The following RNF220 variants were observed in gnomAD, a reference collection of about 807,000 sequenced individuals.
The protein encoded by RNF220 is E3 ubiquitin-protein ligase RNF220.
Under a neutral mutation model 67.1 loss-of-function variants are expected in RNF220, and 7 were observed. That is an observed-to-expected ratio of 0.10 (90% CI 0.06 to 0.20). The LOEUF (loss-of-function observed/expected upper bound fraction) is 0.20. RNF220 is among the 10% of genes least tolerant of loss of function. The pLI is 1.00. For synonymous variants in RNF220, 270 were observed against 283.2 expected (o/e 0.95, Z 0.47); for missense variants, 565 against 740.3 (o/e 0.76, Z 2.75).
At chr1:44,539,632 A>G (rs1209771842) in intron 2 of RNF220, among the ~76,000 whole-genome samples, 2 of 152,198 alleles carry the variant, frequency 1.3e-5, no homozygotes, top group African/African-American at 4.8e-5. Context: ...GAGTGTGGAA[A>G]TGATTTCACA....
chr1:44,448,126 C>T (rs1652290982), intron 2 of RNF220, among the ~76,000 whole-genome samples: 1 of 152,130 alleles, frequency 6.6e-6, no homozygotes, highest in Non-Finnish European at 1.5e-5. Context: ...TGGCAAAACT[C>T]TGTCTCTACT....
At chr1:44,452,275 T>G (rs1652763246) in intron 2 of RNF220, among the ~76,000 whole-genome samples, 1 of 152,168 alleles carries the variant, frequency 6.6e-6, no homozygotes, top group South Asian at 2.1e-4. Flanking sequence ...TGAGGCCAGC[T>G]GGGTGCGGTG....
At chr1:44,504,887 CAT>C (rs1160717131) in intron 2 of RNF220, among the ~76,000 whole-genome samples, 3 of 152,280 alleles carry the variant, frequency 2.0e-5, no homozygotes, top group East Asian at 3.9e-4. Context: ...GAGCTAGAAA[CAT>C]GTGGTATCCT....
At chr1:44,549,749 C>T (rs180724576) in intron 2 of RNF220, among the ~76,000 whole-genome samples, 181 of 152,316 alleles carry the variant, frequency 1.2e-3, no homozygotes, top group Non-Finnish European at 2.0e-3. Flanking sequence ...TAGGTAAACA[C>T]GCCAAGCTGC....
intron 2 of RNF220, among the ~76,000 whole-genome samples, chr1:44,432,438 T>C (rs540820345): frequency 1.3e-5 from 2 of 151,960 alleles, no homozygotes; most frequent in Non-Finnish European, 2.9e-5. Flanking sequence ...GCCCAGTTAA[T>C]TTTTGTATTT....
chr1:44,447,520 G>A (rs964143721), intron 2 of RNF220, among the ~76,000 whole-genome samples: 8 of 152,260 alleles, frequency 5.3e-5, no homozygotes, highest in Non-Finnish European at 8.8e-5. Context: ...GCCTGCCCTA[G>A]TTTTGTTCAG....
At chr1:44,629,943 A>T (rs1369164863) in intron 5 of RNF220, among the ~76,000 whole-genome samples, 2 of 152,340 alleles carry the variant, frequency 1.3e-5, no homozygotes, top group South Asian at 2.1e-4. Context: ...GAATGCAAGG[A>T]AAGTTAGTAG....
intron 2 of RNF220, among the ~76,000 whole-genome samples, chr1:44,567,168 G>A (rs1010622890): frequency 1.3e-5 from 2 of 152,184 alleles, no homozygotes; most frequent in African/African-American, 4.8e-5. Flanking sequence ...GGGTGCGGGA[G>A]GTGGGATGCT....
intron 2 of RNF220, among the ~76,000 whole-genome samples, chr1:44,525,943 T>G (rs964841892): frequency 6.6e-6 from 1 of 152,204 alleles, no homozygotes; most frequent in African/African-American, 2.4e-5. Flanking sequence ...CTGAATCTGT[T>G]TTTGACCTCC....
At position 44,644,311 on chromosome 1, in the gene RNF220, T is replaced by C. The variant is rs140276783; in HGVS notation, c.1127-387T>C. 3.0e-5 allele frequency: 6 copies of C among 198,902 alleles called. No individual in the cohort carries two copies. In the East Asian group the frequency reaches 6.2e-4, roughly 21 times the overall value. The allele number at this position is 198,902 out of a possible 1,614,324, so 12.3% of individuals were successfully genotyped here. On this transcript the variant is annotated intron_variant, in intron 8 of 14. Coordinates refer to ENST00000361799, the MANE Select transcript of RNF220 (RefSeq NM_018150.4). ...ACTTGTCAGGCTGGATAATGGGGCA[T>C]AGGGGAGGCCCCACTCTTTTCCTGT...
At chr1:44,506,153 T>C (rs1156717617) in intron 2 of RNF220, among the ~76,000 whole-genome samples, 1 of 152,252 alleles carries the variant, frequency 6.6e-6, no homozygotes, top group Non-Finnish European at 1.5e-5. Flanking sequence ...CCAGAAGTTA[T>C]TGTCCCTTAC....
At chr1:44,554,577 T>A (rs778594599) in intron 2 of RNF220, among the ~76,000 whole-genome samples, 5 of 152,076 alleles carry the variant, frequency 3.3e-5, no homozygotes, top group Admixed American at 6.6e-5. Flanking sequence ...GGGATCCCAT[T>A]GATCTGGGAC....
At chr1:44,639,404 A>G (rs1644424371) in intron 8 of RNF220, among the ~76,000 whole-genome samples, 1 of 152,242 alleles carries the variant, frequency 6.6e-6, no homozygotes, top group African/African-American at 2.4e-5. Context: ...TGGAAAGAGG[A>G]CATGGGAATG....
intron 2 of RNF220, among the ~76,000 whole-genome samples, chr1:44,451,492 T>C (rs138486801): frequency 6.6e-6 from 1 of 152,362 alleles, no homozygotes; most frequent in African/African-American, 2.4e-5. Flanking sequence ...GAAGGTTCTC[T>C]CCATTACATT....
intron 12 of RNF220, among the ~76,000 whole-genome samples, chr1:44,646,984 C>T (rs1006654211): frequency 2.0e-5 from 3 of 152,216 alleles, no homozygotes; most frequent in Non-Finnish European, 4.4e-5. Context: ...CACAGCCAGC[C>T]TGGACCAGGG....
At chr1:44,618,751 C>T (rs1643665884) in intron 3 of RNF220, among the ~76,000 whole-genome samples, 1 of 152,046 alleles carries the variant, frequency 6.6e-6, no homozygotes, top group African/African-American at 2.4e-5. Context: ...GGGGAAGAAA[C>T]AGGAGGCAAG....
At chr1:44,627,996 C>T (rs1334905750) in intron 5 of RNF220, among the ~76,000 whole-genome samples, 1 of 152,224 alleles carries the variant, frequency 6.6e-6, no homozygotes, top group African/African-American at 2.4e-5. Context: ...GGGAAGGGAT[C>T]CCTGCTCTCT....
chr1:44,612,083 C>T (rs993440232), intron 2 of RNF220, among the ~76,000 whole-genome samples: 1 of 152,176 alleles, frequency 6.6e-6, no homozygotes, highest in Non-Finnish European at 1.5e-5. Flanking sequence ...CAGCTGTCCC[C>T]GAGCATCTGA....
In RNF220 at chr1:44,621,217, T is replaced by G. The variant is rs928833741; in HGVS notation, c.759-1525T>G. ...AGGCGTGAGCCACTGCACCGGACCATGCATCTGTCTTTATGGACATGTGTC... is the reference window on the plus strand; with the variant it reads ...AGGCGTGAGCCACTGCACCGGACCAGGCATCTGTCTTTATGGACATGTGTC... On this transcript the variant is annotated intron_variant, in intron 3 of 14. Transcript: ENST00000361799. The surrounding 1 kb of genome is among the most constrained non-coding windows in gnomAD (Gnocchi z 4.8). Among the ~76,000 whole-genome samples the G allele has an allele frequency of 1.3e-5, 2 of 152,216 alleles. No homozygotes were observed. The highest frequency in any genetic ancestry group is 4.8e-5 in the African/African-American group (2 of 41,464).
Sources: allele counts gnomAD v4.1 joint callset (sites outside exome capture counted in the v4.1 genomes callset), GRCh38; gene constraint gnomAD v4.1.1; non-coding constraint Gnocchi (gnomAD v3.1); transcripts MANE v1.5; gene names NCBI Gene and HGNC (gene_info 2026-07-23, HGNC 2026-07-21).